Variants in TTLL5 observed in about 807,000 individuals in gnomAD.
TTLL5 encodes the protein tubulin tyrosine ligase like 5.
A neutral mutation model predicts 168.4 loss-of-function variants in TTLL5; 132 were observed. That is an observed-to-expected ratio of 0.78 (90% CI 0.68 to 0.91). The LOEUF (loss-of-function observed/expected upper bound fraction) is 0.91, where lower values mean the gene tolerates loss of function less well. Ranked by LOEUF, TTLL5 falls within the 40% of genes least tolerant of loss-of-function variation. TTLL5 has a pLI of 0.00. For missense variants in TTLL5, 1,545 were observed against 1,581.5 expected, an observed-to-expected ratio of 0.98 and a Z score of 0.39; for synonymous variants, 546 against 558.6, an observed-to-expected ratio of 0.98 and a Z score of 0.32.
chr14:75,695,909 C>T (rs1367603014), intron 6 of TTLL5, among the ~76,000 whole-genome samples: 1 of 146,746 alleles, frequency 6.8e-6, no homozygotes, highest in Non-Finnish European at 1.5e-5. Flanking sequence ...CTTCCCCTCC[C>T]CTCCCCTCCC....
intron 9 of TTLL5, among the ~76,000 whole-genome samples, chr14:75,716,503 T>A (rs1887471827): frequency 6.6e-6 from 1 of 152,226 alleles, no homozygotes; most frequent in Non-Finnish European, 1.5e-5. Context: ...AGTTTTTTAA[T>A]GCTGACCTTT....
At position 75,732,439 on chromosome 14, in the gene TTLL5, TAAA is replaced by T; in HGVS notation, c.1124+24_1124+26del. ...GGCCTGGTAAGTCAGTTCCATCAAC[TAAA>T]AAAGGACAAATCTTCAAGTAGTACT... On this transcript the variant is annotated intron_variant, in intron 13 of 31. Coordinates refer to ENST00000298832, the MANE Select transcript of TTLL5 (RefSeq NM_015072.5). The T allele has an allele frequency of 6.2e-7, 1 of 1,606,340 alleles. No individual in the cohort carries two copies. The highest frequency in any genetic ancestry group is 8.5e-7 in the Non-Finnish European group (1 of 1,175,446).
At chr14:75,777,725 C>T (rs890031063) in intron 23 of TTLL5, among the ~76,000 whole-genome samples, 1 of 152,110 alleles carries the variant, frequency 6.6e-6, no homozygotes, top group African/African-American at 2.4e-5. Flanking sequence ...AAAATCTACC[C>T]TATGTTGATT....
At chr14:75,869,902 G>A (rs1043504103) in intron 29 of TTLL5, among the ~76,000 whole-genome samples, 6 of 129,106 alleles carry the variant, frequency 4.6e-5, no homozygotes, top group Non-Finnish European at 9.3e-5. Context: ...TCACTGCAAC[G>A]TCTGCCTCCC....
intron 31 of TTLL5, among the ~76,000 whole-genome samples, chr14:75,936,643 A>G (rs922522645): frequency 6.6e-6 from 1 of 152,132 alleles, no homozygotes; most frequent in African/African-American, 2.4e-5. Flanking sequence ...ATAACTCCCT[A>G]AGAAGGACTG....
chr14:75,707,642 C>T lies in TTLL5; in HGVS notation c.675C>T (p.Arg225=). The T allele has an allele frequency of 6.2e-7, 1 of 1,612,202 alleles. No homozygotes were observed. The highest frequency in any genetic ancestry group is 8.5e-7 in the Non-Finnish European group (1 of 1,179,380). ...LLIDDFKFDV[R]LYVLVTSYDP... Reference sequence around the variant, plus strand: ...TTTTAGATTTCAAGTTTGACGTGCGCCTCTATGTGCTCGTGACTTCCTATG... The same window carrying T: ...TTTTAGATTTCAAGTTTGACGTGCGTCTCTATGTGCTCGTGACTTCCTATG... Residue 225 remains arginine (R), a synonymous_variant, in exon 9 of 32, where the codon CGC becomes CGT. Transcript: ENST00000298832.
At chr14:75,916,513 C>T (rs1234600198) in intron 31 of TTLL5, among the ~76,000 whole-genome samples, 2 of 152,030 alleles carry the variant, frequency 1.3e-5, no homozygotes, top group Non-Finnish European at 2.9e-5. Flanking sequence ...TGGCACATGC[C>T]TATAGTTCTA....
chr14:75,904,309 T>C (rs1595241974), intron 31 of TTLL5: 1 of 992,392 alleles, frequency 1.0e-6, no homozygotes, highest in African/African-American at 1.8e-5. Context: ...TGCGAAGTAA[T>C]GGCACAAGGG....
intron 31 of TTLL5, among the ~76,000 whole-genome samples, chr14:75,921,530 G>T (rs188445357): frequency 6.6e-6 from 1 of 152,300 alleles, no homozygotes; most frequent in African/African-American, 2.4e-5. Flanking sequence ...AGATCAGATT[G>T]TTGTAGATGT....
intron 31 of TTLL5, among the ~76,000 whole-genome samples, chr14:75,914,048 A>G (rs777340193): frequency 8.2e-6 from 1 of 121,458 alleles, no homozygotes; most frequent in Non-Finnish European, 1.6e-5. Flanking sequence ...ATATATATAT[A>G]TATATATTTT....
intron 28 of TTLL5, among the ~76,000 whole-genome samples, chr14:75,825,905 G>C (rs1436619717): frequency 6.6e-6 from 1 of 152,058 alleles, no homozygotes; most frequent in African/African-American, 2.4e-5. Flanking sequence ...AACCTCTCAA[G>C]AGTTATACGC....
chr14:75,727,431 A>G (rs1358205551), intron 12 of TTLL5, among the ~76,000 whole-genome samples: 1 of 152,236 alleles, frequency 6.6e-6, no homozygotes, highest in African/African-American at 2.4e-5. Flanking sequence ...GCTAAGTGAA[A>G]GAAGCCAGTT....
At chr14:75,860,147 A>T (rs1897326631) in intron 28 of TTLL5, among the ~76,000 whole-genome samples, 3 of 152,224 alleles carry the variant, frequency 2.0e-5, no homozygotes, top group Non-Finnish European at 2.9e-5. Flanking sequence ...ATATGTGTGC[A>T]GTTGGAGGAA....
chr14:75,881,335 C>G (rs2031800758), intron 29 of TTLL5, among the ~76,000 whole-genome samples: 2 of 152,156 alleles, frequency 1.3e-5, no homozygotes, highest in South Asian at 4.2e-4. Flanking sequence ...TGAAAATGCT[C>G]AGACCCTTTA....
chr14:75,828,526 T>C (rs912013616), intron 28 of TTLL5, among the ~76,000 whole-genome samples: 1 of 152,214 alleles, frequency 6.6e-6, no homozygotes, highest in Admixed American at 6.6e-5. Context: ...TGTTTATCCG[T>C]AAGGCTTCCG....
At chr14:75,909,858 T>A (rs1415520626) in intron 31 of TTLL5, among the ~76,000 whole-genome samples, 1 of 152,256 alleles carries the variant, frequency 6.6e-6, no homozygotes, top group Non-Finnish European at 1.5e-5. Context: ...ATCACCTGGC[T>A]GTCAGCCATT....
intron 25 of TTLL5, 69 bp downstream of exon 25, chr14:75,782,642 C>T: frequency 7.8e-7 from 1 of 1,283,150 alleles, no homozygotes; most frequent in Non-Finnish European, 1.1e-6. Flanking sequence ...AAATAGTCAT[C>T]AGATATTAAA....
Position 75,731,859 on chromosome 14 carries a change from G to A in TTLL5, c.1043-479G>A, listed in dbSNP as rs574525658. 2.6e-5 allele frequency among the ~76,000 whole-genome samples: 4 copies of A among 152,294 alleles called. No homozygotes were observed. The South Asian group carries it at 8.3e-4, about 32-fold the overall frequency. ...GCAATATCTTGGTTTAAGAAAATGT[G>A]ATGGAAGGATTCTAGAGAAATGCCT... On this transcript the variant is annotated intron_variant, in intron 12 of 31. Coordinates refer to ENST00000298832, the MANE Select transcript of TTLL5 (RefSeq NM_015072.5).
At chr14:75,863,169 A>C (rs1201463946) in intron 28 of TTLL5, among the ~76,000 whole-genome samples, 1 of 152,160 alleles carries the variant, frequency 6.6e-6, no homozygotes, top group African/African-American at 2.4e-5. Flanking sequence ...CATAAGCTCA[A>C]ATATAAACAA....
Sources: gnomAD v4.1 joint callset for allele counts (sites outside exome capture counted in the v4.1 genomes callset) on GRCh38, gnomAD v4.1.1 for gene constraint, MANE v1.5 for transcripts, NCBI Gene and HGNC (gene_info 2026-07-23, HGNC 2026-07-21) for gene names.